SUCNR1: variants seen among roughly 807,000 people sequenced by gnomAD.
The protein encoded by SUCNR1 is G-protein coupled receptor 91.
In SUCNR1, 5 loss-of-function variants were observed where a neutral mutation model predicts 2.4. The observed-to-expected ratio is 2.07, with a 90% CI of 1.08 to 4.36. SUCNR1 has a LOEUF of 4.36. SUCNR1 is among the 30% of genes most tolerant of loss of function. SUCNR1 has a pLI of 0.00. For synonymous variants in SUCNR1, 162 were observed against 143.9 expected (o/e 1.13, Z -0.90); for missense variants, 373 against 399.2 (o/e 0.93, Z 0.56).
intron 1 of SUCNR1, among the ~76,000 whole-genome samples, chr3:151,875,751 A>T (rs1717906094): frequency 1.3e-5 from 2 of 152,208 alleles, no homozygotes; most frequent in Non-Finnish European, 2.9e-5. Context: ...AAACAACTGT[A>T]TGAGAAGAAA....
At chr3:151,880,445 C>T (rs1405051806) in intron 2 of SUCNR1, 114 bp from the exon 3 acceptor site, 1 of 765,452 alleles carries the variant, frequency 1.3e-6, no homozygotes, top group Non-Finnish European at 2.1e-6. Flanking sequence ...ACTGATGTAA[C>T]CTACTTTCTA....
chr3:151,879,885 A>C lies in SUCNR1; in HGVS notation c.-8A>C, dbSNP rs753512971. The C allele has an allele frequency of 5.1e-6, 8 of 1,581,354 alleles. No individual in the cohort carries two copies. The Admixed American group carries it at 1.4e-4, about 28-fold the overall frequency. On this transcript the variant is annotated 5_prime_UTR_variant, in exon 2 of 3. Coordinates refer to ENST00000362032, the MANE Select transcript of SUCNR1 (RefSeq NM_033050.6). The stretch of plus-strand genomic sequence containing the variant: ...TTAACTCAGCAGAATTTGTTGAACA[A>C]CTACGACATGCTGGGGATCATGGTA...
intron 1 of SUCNR1, among the ~76,000 whole-genome samples, chr3:151,874,093 C>T (rs1298204570): frequency 9.6e-6 from 1 of 104,332 alleles, no homozygotes; most frequent in Non-Finnish European, 1.8e-5. Context: ...TACACACACA[C>T]ACACACACAC....
rs1247786187 is a variant in SUCNR1 at position 151,882,604 on chromosome 3, T to C, written c.*1056T>C. On this transcript the variant is annotated 3_prime_UTR_variant, in exon 3 of 3. Transcript: ENST00000362032. ...CTGGAATAATTTACAAGGATAACTT[T>C]ATTGTAGCGAGAGCAAATCACATCT... 3 of 152,156 alleles carry C rather than the reference T, an allele frequency of 2.0e-5. No homozygotes were observed. Among genetic ancestry groups the C allele is most frequent in the Admixed American group, 6.5e-5 (1 of 15,282 alleles). 9.4% of individuals were successfully genotyped at this position (152,156 alleles called of 1,614,324 possible).
intron 1 of SUCNR1, among the ~76,000 whole-genome samples, chr3:151,876,074 A>G (rs1717917050): frequency 6.6e-6 from 1 of 152,226 alleles, no homozygotes; most frequent in Non-Finnish European, 1.5e-5. Flanking sequence ...CAAAAGTGAA[A>G]CAAATTTCTT....
rs1481376987 is a variant in SUCNR1 at position 151,883,297 on chromosome 3, T to G, written c.*1749T>G. 6.6e-6 allele frequency: 1 copy of G among 151,692 alleles called. No homozygotes were observed. Among genetic ancestry groups the G allele is most frequent in the Admixed American group, 6.6e-5 (1 of 15,218 alleles). The allele number at this position is 151,692 out of a possible 1,614,324, so 9.4% of individuals were successfully genotyped here. ...CTTAAGAAAGAAAGATTCACTTACTTCTGCAAACTTGGCAATCCGTAATTT... is the reference window on the plus strand; with the variant it reads ...CTTAAGAAAGAAAGATTCACTTACTGCTGCAAACTTGGCAATCCGTAATTT... On this transcript the variant is annotated 3_prime_UTR_variant, in exon 3 of 3. Transcript: ENST00000362032.
chr3:151,874,140 ATATATATT>A (rs1717838696), intron 1 of SUCNR1, among the ~76,000 whole-genome samples: 14 of 62,212 alleles, frequency 2.3e-4, no homozygotes, highest in Non-Finnish European at 3.6e-4. Context: ...ATATATATAT[ATATATATT>A]TTTTTTTTTT....
rs779961865 is a variant in SUCNR1, at chr3:151,881,411, A to T, written c.868A>T (p.Ile290Phe). The T allele has an allele frequency of 6.2e-7, 1 of 1,614,094 alleles. No individual in the cohort carries two copies. The highest frequency in any genetic ancestry group is 8.5e-7 in the Non-Finnish European group (1 of 1,180,028). Residue 290 changes from isoleucine to phenylalanine, a missense_variant, in exon 3 of 3, where the codon ATC becomes TTC. Ile to Phe is a conservative substitution (Grantham distance 21). Transcript: ENST00000362032. ...TRPLAFLNSVINPVFYFLLGD... is the reference protein window; with the variant it reads ...TRPLAFLNSVFNPVFYFLLGD... ...GCCTTTGGCCTTTCTGAACAGTGTC[A>T]TCAACCCTGTCTTCTATTTTCTTTT... is the stretch of plus-strand genomic sequence containing the variant.
chr3:151,875,826 T>G (rs1401388566), intron 1 of SUCNR1, among the ~76,000 whole-genome samples: 2 of 152,188 alleles, frequency 1.3e-5, no homozygotes, highest in African/African-American at 4.8e-5. Context: ...CTACTACTCC[T>G]TCAATCCCCG....
In SUCNR1 at chr3:151,874,162, T is replaced by A. The variant is rs1218798356; in HGVS notation, c.-42+456T>A. 6.3e-4 allele frequency among the ~76,000 whole-genome samples: 75 copies of A among 118,782 alleles called. 1 individual carries two copies. The highest frequency in any genetic ancestry group is 2.3e-3 in the African/African-American group (73 of 31,842). 77.9% of individuals were successfully genotyped at this position (118,782 alleles called of 152,430 possible). A position where few individuals can be genotyped will look rare whatever the true frequency, so the allele number is the denominator to read the frequency against. ...TATATATATATTTTTTTTTTTTTTT[T>A]TTTTTTTTAAGACAGAGTTTCACTC... On this transcript the variant is annotated intron_variant, in intron 1 of 2. Coordinates refer to ENST00000362032, the MANE Select transcript of SUCNR1 (RefSeq NM_033050.6).
chr3:151,878,938 C>G (rs1156375016), intron 1 of SUCNR1, among the ~76,000 whole-genome samples: 1 of 152,130 alleles, frequency 6.6e-6, no homozygotes, highest in East Asian at 1.9e-4. Flanking sequence ...TTGCATGCTT[C>G]TCATAAAAAG....
Position 151,883,703 on chromosome 3 carries a change from T to A in SUCNR1, c.*2155T>A, listed in dbSNP as rs1718171098. ...ATAAATCATGAAAATCCTTTCTGGGTTTGTGGTTTCTAAAGGAAATAATAT... is the reference window on the plus strand; with the variant it reads ...ATAAATCATGAAAATCCTTTCTGGGATTGTGGTTTCTAAAGGAAATAATAT... On this transcript the variant is annotated 3_prime_UTR_variant, in exon 3 of 3. Transcript: ENST00000362032. 6.6e-6 allele frequency: 1 copy of A among 151,590 alleles called. No individual in the cohort carries two copies. Among genetic ancestry groups the A allele is most frequent in the Non-Finnish European group, 1.5e-5 (1 of 67,856 alleles). The allele number at this position is 151,590 out of a possible 1,614,324, so 9.4% of individuals were successfully genotyped here.
chr3:151,884,026 C>T lies in SUCNR1; in HGVS notation c.*2478C>T, dbSNP rs1184644667. The T allele has an allele frequency of 6.6e-6, 1 of 152,150 alleles. No homozygotes were observed. Among genetic ancestry groups the T allele is most frequent in the African/African-American group, 2.4e-5 (1 of 41,440 alleles). The allele number at this position is 152,150 out of a possible 1,614,324, so 9.4% of individuals were successfully genotyped here. A position where few individuals can be genotyped will look rare whatever the true frequency, so the allele number is the denominator to read the frequency against. On this transcript the variant is annotated 3_prime_UTR_variant, in exon 3 of 3. Transcript: ENST00000362032. Reference sequence around the variant, plus strand: ...GAAGCTTGCCCTTATATCCTCTCTTCCCCAAACCTAAAAGTAAAACTTTCT... The same window carrying T: ...GAAGCTTGCCCTTATATCCTCTCTTTCCCAAACCTAAAAGTAAAACTTTCT...
rs904738773 is a variant in SUCNR1, at chr3:151,882,799, G to T, written c.*1251G>T. ...CATTTCCTGCACAAAACAAATGTAG[G>T]GGAAAAAATGGGTGCTGCATTAGCT... is the stretch of plus-strand genomic sequence containing the variant. On this transcript the variant is annotated 3_prime_UTR_variant, in exon 3 of 3. Transcript: ENST00000362032. 7.9e-5 allele frequency: 12 copies of T among 151,990 alleles called. No individual in the cohort carries two copies. The highest frequency in any genetic ancestry group is 2.9e-5 in the Non-Finnish European group (2 of 67,946). 9.4% of individuals were successfully genotyped at this position (151,990 alleles called of 1,614,324 possible). A position where few individuals can be genotyped will look rare whatever the true frequency, so the allele number is the denominator to read the frequency against.
Position 151,880,625 on chromosome 3 carries a change from ATTTT to A in SUCNR1, c.85_88del (p.Phe29MetfsTer23). Reference sequence around the variant, plus strand: ...TGCCCTGGAAAAGTACTACCTTTCCATTTTTTATGGGATTGAGTTCGTTGTGGGA... The same window carrying A: ...TGCCCTGGAAAAGTACTACCTTTCCATTATGGGATTGAGTTCGTTGTGGGA... On this transcript the variant is annotated frameshift_variant, in exon 3 of 3. Transcript: ENST00000362032. LOFTEE classifies it low-confidence loss of function (END_TRUNC). The A allele has an allele frequency of 6.2e-7, 1 of 1,614,002 alleles. No individual in the cohort carries two copies. Among genetic ancestry groups the A allele is most frequent in the Non-Finnish European group, 8.5e-7 (1 of 1,179,934 alleles).
intron 1 of SUCNR1, among the ~76,000 whole-genome samples, chr3:151,879,102 T>C (rs1559857315): frequency 6.6e-6 from 1 of 152,212 alleles, no homozygotes; most frequent in Non-Finnish European, 1.5e-5. Flanking sequence ...TAGAAATAAG[T>C]AACACTTAAT....
At position 151,881,678 on chromosome 3, in the gene SUCNR1, T is replaced by C. The variant is rs777057323; in HGVS notation, c.*130T>C. ...CTAAAGACAAGTTGTACCCAGAGTA[T>C]GTGAAAAGAATGGGACGACAAGAAT... On this transcript the variant is annotated 3_prime_UTR_variant, in exon 3 of 3. Coordinates refer to ENST00000362032, the MANE Select transcript of SUCNR1 (RefSeq NM_033050.6). 3.1e-5 allele frequency: 26 copies of C among 840,538 alleles called. No individual in the cohort carries two copies. The highest frequency in any genetic ancestry group is 9.0e-5 in the South Asian group (5 of 55,428). 52.1% of individuals were successfully genotyped at this position (840,538 alleles called of 1,614,324 possible).
intron 1 of SUCNR1, among the ~76,000 whole-genome samples, chr3:151,875,938 CTT>C (rs1049052363): frequency 6.6e-6 from 1 of 152,168 alleles, no homozygotes; most frequent in African/African-American, 2.4e-5. Context: ...TTGCACAAGT[CTT>C]TGTGGCTATA....
Position 151,881,521 on chromosome 3 carries a change from ACTC to A in SUCNR1, c.981_983del (p.Leu329del). On this transcript the variant is annotated inframe_deletion, in exon 3 of 3. Coordinates refer to ENST00000362032, the MANE Select transcript of SUCNR1 (RefSeq NM_033050.6). ...CATCCTTTAGCAGATGGGCTCATGA[ACTC>A]CTACTTTCATTCAGAGAAAAGTGAG... is the stretch of plus-strand genomic sequence containing the variant. 1 of 1,603,758 alleles carries A rather than the reference ACTC, an allele frequency of 6.2e-7. No homozygotes were observed. The highest frequency in any genetic ancestry group is 8.5e-7 in the Non-Finnish European group (1 of 1,176,708).
Sources: allele counts gnomAD v4.1 joint callset (sites outside exome capture counted in the v4.1 genomes callset), GRCh38; gene constraint gnomAD v4.1.1; transcripts MANE v1.5; gene names NCBI Gene and HGNC (gene_info 2026-07-23, HGNC 2026-07-21).